SLC35F1: variants seen among roughly 807,000 people sequenced by gnomAD.
The protein encoded by SLC35F1 is chromosome 6 open reading frame 169.
A neutral mutation model predicts 48.7 loss-of-function variants in SLC35F1; 14 were observed. The observed-to-expected ratio is 0.29, with a 90% CI of 0.19 to 0.45. The LOEUF (loss-of-function observed/expected upper bound fraction) is 0.45, where lower values mean the gene tolerates loss of function less well. SLC35F1 is among the 20% of genes least tolerant of loss of function. The probability of loss-of-function intolerance (pLI) is 1.00; values close to 1 mark genes in which losing one functional copy is unlikely to be tolerated. For missense variants in SLC35F1, 404 were observed against 500.0 expected (o/e 0.81, Z 1.83); for synonymous variants, 190 against 202.2 (o/e 0.94, Z 0.51).
chr6:117,991,881 T>C (rs574237026), intron 1 of SLC35F1, among the ~76,000 whole-genome samples: 1 of 152,232 alleles, frequency 6.6e-6, no homozygotes, highest in South Asian at 2.1e-4. Flanking sequence ...ATGTCTCTGT[T>C]TGTGTCCAAC....
chr6:118,177,904 C>T (rs542131271), intron 2 of SLC35F1, among the ~76,000 whole-genome samples: 3 of 152,008 alleles, frequency 2.0e-5, no homozygotes, highest in African/African-American at 7.2e-5. Flanking sequence ...AAAGGAAAGG[C>T]CTTGGCTAAG....
intron 1 of SLC35F1, among the ~76,000 whole-genome samples, chr6:118,001,894 C>T (rs952152697): frequency 2.4e-4 from 37 of 151,250 alleles, no homozygotes; most frequent in African/African-American, 8.5e-4. Flanking sequence ...ATCAAAACCA[C>T]AATGAGATAC....
At chr6:118,250,944 G>A (rs1582752356) in intron 3 of SLC35F1, among the ~76,000 whole-genome samples, 1 of 151,858 alleles carries the variant, frequency 6.6e-6, no homozygotes, top group Admixed American at 6.6e-5. Flanking sequence ...CAGCATGGGT[G>A]ACAGAGCCAG....
chr6:117,954,904 T>C (rs1225019567), intron 1 of SLC35F1, among the ~76,000 whole-genome samples: 2 of 152,252 alleles, frequency 1.3e-5, no homozygotes, highest in Non-Finnish European at 2.9e-5. Context: ...ATGCTCAGTA[T>C]AAAATTTGGA....
intron 1 of SLC35F1, among the ~76,000 whole-genome samples, chr6:117,983,810 G>A (rs2114852151): frequency 6.6e-6 from 1 of 152,248 alleles, no homozygotes; most frequent in South Asian, 2.1e-4. Flanking sequence ...AATTCATGCT[G>A]ATCCCTTACA....
At chr6:118,040,881 A>G (rs1772207471) in intron 1 of SLC35F1, among the ~76,000 whole-genome samples, 1 of 146,216 alleles carries the variant, frequency 6.8e-6, no homozygotes, top group South Asian at 2.4e-4. Flanking sequence ...CTTTAGACAC[A>G]ATTGTATAAA....
At chr6:118,133,570 GAGA>G (rs1562299932) in intron 1 of SLC35F1, among the ~76,000 whole-genome samples, 1 of 152,144 alleles carries the variant, frequency 6.6e-6, no homozygotes, top group African/African-American at 2.4e-5. Context: ...AATTTCCAGA[GAGA>G]AGAACATTTT....
chr6:118,212,845 A>G (rs1775024386), intron 2 of SLC35F1, among the ~76,000 whole-genome samples: 1 of 152,116 alleles, frequency 6.6e-6, no homozygotes, highest in Admixed American at 6.5e-5. Flanking sequence ...TAAACTATTT[A>G]GGACAATAAT....
intron 1 of SLC35F1, among the ~76,000 whole-genome samples, chr6:118,094,659 A>G (rs187206462): frequency 1.3e-5 from 2 of 152,222 alleles, no homozygotes; most frequent in African/African-American, 2.4e-5. Context: ...GGGTGTCCAG[A>G]TGATGAGTAA....
chr6:117,998,517 A>G (rs1582608678), intron 1 of SLC35F1, among the ~76,000 whole-genome samples: 1 of 152,208 alleles, frequency 6.6e-6, no homozygotes, highest in East Asian at 1.9e-4. Flanking sequence ...TTGACCACAT[A>G]CTTGGAAGTA....
Position 118,314,410 on chromosome 6 carries a change from A to G in SLC35F1, c.*158A>G. The G allele has an allele frequency of 1.5e-6, 1 of 650,022 alleles. No homozygotes were observed. Among genetic ancestry groups the G allele is most frequent in the Non-Finnish European group, 2.7e-6 (1 of 374,494 alleles). 40.3% of individuals were successfully genotyped at this position (650,022 alleles called of 1,614,324 possible). A position where few individuals can be genotyped will look rare whatever the true frequency, so the allele number is the denominator to read the frequency against. ...AAAAGCTTGTGAAAGGAACAAGCTC[A>G]ACATCACTGGAGACACAGGCTCTAA... On this transcript the variant is annotated 3_prime_UTR_variant, in exon 8 of 8. Transcript: ENST00000360388.
intron 1 of SLC35F1, among the ~76,000 whole-genome samples, chr6:118,068,274 T>C (rs973437487): frequency 2.0e-5 from 3 of 152,168 alleles, no homozygotes; most frequent in Admixed American, 6.5e-5. Context: ...AGCTATCGAG[T>C]ATCCCTTAAT....
chr6:118,074,897 G>T lies in SLC35F1; in HGVS notation c.174-79548G>T, dbSNP rs757857059. 7.4e-4 allele frequency among the ~76,000 whole-genome samples: 112 copies of T among 152,144 alleles called. 1 individual carries two copies. Among genetic ancestry groups the T allele is most frequent in the Admixed American group, 6.0e-3 (92 of 15,274 alleles). On this transcript the variant is annotated intron_variant, in intron 1 of 7. Transcript: ENST00000360388. ...GGACTCAAGCAATCTTCCATCCTTG[G>T]ACTACCAAAGTGCTGGGATTACAGG...
intron 1 of SLC35F1, among the ~76,000 whole-genome samples, chr6:117,921,567 C>T (rs1775899714): frequency 6.6e-6 from 1 of 152,088 alleles, no homozygotes; most frequent in South Asian, 2.1e-4. Context: ...TAGTGGGATA[C>T]ATGCCTTTTG....
chr6:118,257,983 T>C (rs1390491134), intron 3 of SLC35F1, among the ~76,000 whole-genome samples: 1 of 152,186 alleles, frequency 6.6e-6, no homozygotes, highest in African/African-American at 2.4e-5. Flanking sequence ...TACCATAATG[T>C]ACTAACTTTA....
chr6:118,144,850 T>G (rs1773948642), intron 1 of SLC35F1, among the ~76,000 whole-genome samples: 1 of 152,182 alleles, frequency 6.6e-6, no homozygotes, highest in African/African-American at 2.4e-5. Flanking sequence ...CAAATCTTTC[T>G]TGTTTTTCTT....
intron 1 of SLC35F1, among the ~76,000 whole-genome samples, chr6:117,942,789 T>TGGTG (rs1184282705): frequency 6.6e-6 from 1 of 152,218 alleles, no homozygotes; most frequent in Non-Finnish European, 1.5e-5. Flanking sequence ...TTTCTAAAAT[T>TGGTG]GGTGTTGTAA....
At chr6:117,998,722 A>G (rs953048410) in intron 1 of SLC35F1, among the ~76,000 whole-genome samples, 2 of 152,216 alleles carry the variant, frequency 1.3e-5, no homozygotes, top group African/African-American at 4.8e-5. Context: ...GTTCTTTGAA[A>G]CCAATGAGAA....
intron 7 of SLC35F1, among the ~76,000 whole-genome samples, chr6:118,311,897 CAAT>C (rs1220303253): frequency 1.3e-5 from 2 of 152,156 alleles, no homozygotes; most frequent in African/African-American, 2.4e-5. Context: ...ATAACAAAAA[CAAT>C]AATAAGAATG....
Sources: allele counts gnomAD v4.1 joint callset (sites outside exome capture counted in the v4.1 genomes callset), GRCh38; gene constraint gnomAD v4.1.1; transcripts MANE v1.5; gene names NCBI Gene and HGNC (gene_info 2026-07-23, HGNC 2026-07-21).